TUSC3: variants seen among roughly 807,000 people sequenced by gnomAD.
TUSC3 encodes dolichyl-diphosphooligosaccharide--protein glycosyltransferase subunit TUSC3.
TUSC3 carries 45 observed loss-of-function variants against 44.8 expected under a neutral mutation model. That is an observed-to-expected ratio of 1.00 (90% CI 0.79 to 1.29). The LOEUF (loss-of-function observed/expected upper bound fraction) is 1.29. Ranked by LOEUF, TUSC3 falls within the 50% of genes most tolerant of loss-of-function variation. TUSC3 has a pLI of 0.00. For synonymous variants in TUSC3, 212 were observed against 152.9 expected (o/e 1.39, Z -2.85); for missense variants, 519 against 437.9 (o/e 1.19, Z -1.65).
At chr8:15,599,284 T>G (rs988567388) in intron 1 of TUSC3, among the ~76,000 whole-genome samples, 3 of 151,868 alleles carry the variant, frequency 2.0e-5, no homozygotes, top group Non-Finnish European at 2.9e-5. Context: ...GTTGTTTTGT[T>G]CTTATTGATG....
intron 6 of TUSC3, among the ~76,000 whole-genome samples, chr8:15,677,219 T>C (rs1808230452): frequency 6.6e-6 from 1 of 152,068 alleles, no homozygotes; most frequent in South Asian, 2.1e-4. Context: ...AGGGTGGTCT[T>C]GAACTCCTGG....
rs571078292 is a variant in TUSC3, at chr8:15,706,366, T to G, written c.799-24300T>G. Among the ~76,000 whole-genome samples, 28 of 152,056 alleles carry G rather than the reference T, an allele frequency of 1.8e-4. No individual in the cohort carries two copies. The South Asian group carries it at 2.5e-3, about 13-fold the overall frequency. On this transcript the variant is annotated intron_variant, in intron 6 of 10. Transcript: ENST00000503731. Reference sequence around the variant, plus strand: ...AGAGCAGCATTCTATTTTGCAGTGCTTTCCTCAGGAAATGAAAGAAAGATT... The same window carrying G: ...AGAGCAGCATTCTATTTTGCAGTGCGTTCCTCAGGAAATGAAAGAAAGATT...
chr8:15,564,797 A>AGT (rs767566074), intron 1 of TUSC3, among the ~76,000 whole-genome samples: 3 of 151,964 alleles, frequency 2.0e-5, no homozygotes, highest in Non-Finnish European at 4.4e-5. Flanking sequence ...CTTGTGCTGG[A>AGT]GTGTCCACTC....
chr8:15,846,199 C>G, the TUSC3 span, among the ~76,000 whole-genome samples: 397 of 152,198 alleles, frequency 2.6e-3, 6 homozygotes, highest in Non-Finnish European at 4.6e-4. Flanking sequence ...CATATCAACT[C>G]CGAGGGCAAT....
the TUSC3 span, among the ~76,000 whole-genome samples, chr8:15,838,012 A>G: frequency 1.3e-5 from 2 of 152,148 alleles, no homozygotes; most frequent in Non-Finnish European, 2.9e-5. Flanking sequence ...TTATTCTCTT[A>G]TGCTTTACTT....
At chr8:15,785,286 C>A in the TUSC3 span, among the ~76,000 whole-genome samples, 3 of 131,124 alleles carry the variant, frequency 2.3e-5, 1 homozygote, top group South Asian at 7.6e-4. Flanking sequence ...TAATAAAAAT[C>A]TTCTTCACTT....
At chr8:15,522,020 C>T (rs1414360713) in intron 2 of TUSC3, among the ~76,000 whole-genome samples, 46 of 152,186 alleles carry the variant, frequency 3.0e-4, no homozygotes, top group Non-Finnish European at 2.9e-5. Context: ...AAGCATGTTA[C>T]AATATTCCAA....
chr8:15,844,623 A>G, the TUSC3 span, among the ~76,000 whole-genome samples: 1 of 152,184 alleles, frequency 6.6e-6, no homozygotes. Context: ...ATATTAGTAT[A>G]TTAAAAATCT....
At chr8:15,754,101 A>G (rs1433074430) in intron 9 of TUSC3, among the ~76,000 whole-genome samples, 5 of 151,990 alleles carry the variant, frequency 3.3e-5, no homozygotes, top group South Asian at 2.1e-4. Flanking sequence ...TTTAAAAACT[A>G]CTCACATCAG....
At chr8:15,423,637 C>T (rs1042116821) in intron 1 of TUSC3, among the ~76,000 whole-genome samples, 9 of 152,150 alleles carry the variant, frequency 5.9e-5, no homozygotes, top group Non-Finnish European at 1.2e-4. Context: ...AATACCTGCT[C>T]ACCATTACTA....
In TUSC3 at chr8:15,747,504, GTATT is replaced by G. The variant is rs1585297952; in HGVS notation, c.938-868_938-865del. Among the ~76,000 whole-genome samples, 5 of 151,910 alleles carry G rather than the reference GTATT, an allele frequency of 3.3e-5. No homozygotes were observed. The East Asian group carries it at 9.7e-4, about 29-fold the overall frequency. Reference sequence around the variant, plus strand: ...ACGTACTTTAATTGGCTCAGATTAAGTATTTAAATTTTATAAGCATGTTTAGATT... The same window carrying G: ...ACGTACTTTAATTGGCTCAGATTAAGTAAATTTTATAAGCATGTTTAGATT... On this transcript the variant is annotated intron_variant, in intron 8 of 10. Coordinates refer to ENST00000503731, the MANE Select transcript of TUSC3 (RefSeq NM_006765.4).
intron 1 of TUSC3, among the ~76,000 whole-genome samples, chr8:15,457,935 A>G (rs1800282911): frequency 6.6e-6 from 1 of 150,944 alleles, no homozygotes; most frequent in Non-Finnish European, 1.5e-5. Flanking sequence ...TACTCCAATG[A>G]TGAATGAATC....
chr8:15,786,541 G>T, the TUSC3 span, among the ~76,000 whole-genome samples: 3,428 of 152,136 alleles, frequency 0.023, 133 homozygotes, highest in African/African-American at 0.076. Context: ...ACTGATCAAG[G>T]ATGCAGAATA....
At chr8:15,737,406 C>G (rs1052738738) in intron 7 of TUSC3, among the ~76,000 whole-genome samples, 1 of 152,096 alleles carries the variant, frequency 6.6e-6, no homozygotes, top group Non-Finnish European at 1.5e-5. Context: ...GTAGAATGCT[C>G]AGTGCCTCTG....
At chr8:15,675,988 A>G (rs1048676259) in intron 6 of TUSC3, among the ~76,000 whole-genome samples, 3 of 152,082 alleles carry the variant, frequency 2.0e-5, no homozygotes, top group Non-Finnish European at 4.4e-5. Flanking sequence ...GTTCTATCTT[A>G]AGTTCTTTGA....
chr8:15,630,956 A>G (rs1805734908), intron 2 of TUSC3, among the ~76,000 whole-genome samples: 1 of 152,142 alleles, frequency 6.6e-6, no homozygotes. Flanking sequence ...AAGCACTTGT[A>G]AGTATATTAC....
chr8:15,556,612 T>A (rs1366352566), intron 1 of TUSC3, among the ~76,000 whole-genome samples: 1 of 146,752 alleles, frequency 6.8e-6, no homozygotes, highest in Non-Finnish European at 1.5e-5. Context: ...TAGTTTACAG[T>A]CCCACCAACA....
chr8:15,825,947 C>G, the TUSC3 span, among the ~76,000 whole-genome samples: 1 of 145,844 alleles, frequency 6.9e-6, no homozygotes, highest in Non-Finnish European at 1.5e-5. Flanking sequence ...AGAAATTTGC[C>G]TAGGGAAATT....
chr8:15,430,883 G>T (rs1333823784), intron 1 of TUSC3, among the ~76,000 whole-genome samples: 1 of 151,672 alleles, frequency 6.6e-6, no homozygotes, highest in Non-Finnish European at 1.5e-5. Flanking sequence ...TGATTATCCA[G>T]ATTTTTGTAC....
Sources: gnomAD v4.1 joint callset for allele counts (sites outside exome capture counted in the v4.1 genomes callset) on GRCh38, gnomAD v4.1.1 for gene constraint, MANE v1.5 for transcripts, NCBI Gene and HGNC (gene_info 2026-07-23, HGNC 2026-07-21) for gene names.